The following CADM2 variants were observed in gnomAD, a reference collection of about 807,000 sequenced individuals.
The protein encoded by CADM2 is immunoglobulin superfamily member 4D.
In CADM2, 12 loss-of-function variants were observed where a neutral mutation model predicts 49.8. That is an observed-to-expected ratio of 0.24 (90% CI 0.15 to 0.39). CADM2 has a LOEUF of 0.39. Among genes scored for constraint, CADM2 ranks in the 10% least tolerant of loss-of-function variants. The pLI is 1.00. For synonymous variants in CADM2, 214 were observed against 175.4 expected, an observed-to-expected ratio of 1.22 and a Z score of -1.74; for missense variants, 378 against 492.3, an observed-to-expected ratio of 0.77 and a Z score of 2.20.
intron 1 of CADM2, among the ~76,000 whole-genome samples, chr3:85,326,252 ATTGT>A (rs1342180617): frequency 9.2e-5 from 14 of 152,092 alleles, no homozygotes; most frequent in Non-Finnish European, 1.6e-4. Flanking sequence ...TACAGCCTGT[ATTGT>A]TTTTCTAGTG....
chr3:86,016,074 G>GAA (rs71128108), intron 8 of CADM2, among the ~76,000 whole-genome samples: 33,770 of 151,736 alleles, frequency 0.22, 4,114 homozygotes, highest in East Asian at 0.33. Flanking sequence ...TTCACTAAAG[G>GAA]AAAATAATTT....
intron 1 of CADM2, among the ~76,000 whole-genome samples, chr3:85,503,566 G>T (rs1310993350): frequency 6.6e-6 from 1 of 152,230 alleles, no homozygotes; most frequent in Middle Eastern, 3.4e-3. Context: ...TCCTGAGTAG[G>T]TTGAGTATTT....
At chr3:85,280,723 T>A (rs1229953591) in intron 1 of CADM2, among the ~76,000 whole-genome samples, 1 of 151,872 alleles carries the variant, frequency 6.6e-6, no homozygotes, top group African/African-American at 2.4e-5. Flanking sequence ...TAATTGGTTT[T>A]GGGAACTTCA....
intron 1 of CADM2, among the ~76,000 whole-genome samples, chr3:85,130,874 T>A (rs2039204745): frequency 1.3e-5 from 2 of 152,212 alleles, no homozygotes; most frequent in South Asian, 4.1e-4. Context: ...GTTGCTAGAA[T>A]TTATAGCTAT....
intron 1 of CADM2, among the ~76,000 whole-genome samples, chr3:85,106,902 A>G (rs1258164687): frequency 1.3e-5 from 2 of 152,178 alleles, no homozygotes; most frequent in African/African-American, 4.8e-5. Context: ...GAGTTTGGGT[A>G]ATTCTATGAA....
chr3:85,701,550 T>G (rs2066754595), intron 1 of CADM2, among the ~76,000 whole-genome samples: 1 of 152,134 alleles, frequency 6.6e-6, no homozygotes, highest in South Asian at 2.1e-4. Flanking sequence ...ATGGAAGGCT[T>G]AAAAGAGTGT....
intron 1 of CADM2, among the ~76,000 whole-genome samples, chr3:85,153,248 C>T (rs943649480): frequency 7.2e-5 from 11 of 152,154 alleles, no homozygotes; most frequent in African/African-American, 2.7e-4. Context: ...CGAGCCGAAG[C>T]AGGGCGAGGC....
chr3:85,948,274 A>C (rs1330457369), intron 7 of CADM2, among the ~76,000 whole-genome samples: 2 of 151,484 alleles, frequency 1.3e-5, no homozygotes, highest in Non-Finnish European at 3.0e-5. Context: ...TGTATTTTTA[A>C]AAGTTAGTCT....
At chr3:86,034,606 C>T (rs1348733163) in intron 8 of CADM2, among the ~76,000 whole-genome samples, 2 of 151,974 alleles carry the variant, frequency 1.3e-5, no homozygotes, top group South Asian at 2.1e-4. Context: ...AGACAGCATC[C>T]GTGTACTGAT....
At chr3:85,295,720 TG>T (rs2043943031) in intron 1 of CADM2, among the ~76,000 whole-genome samples, 1 of 151,724 alleles carries the variant, frequency 6.6e-6, no homozygotes, top group Non-Finnish European at 1.5e-5. Context: ...AGGTGGGAAT[TG>T]AACAATTAGA....
intron 1 of CADM2, among the ~76,000 whole-genome samples, chr3:85,016,382 G>T (rs534447044): frequency 2.3e-4 from 35 of 152,318 alleles, no homozygotes; most frequent in African/African-American, 7.9e-4. Flanking sequence ...AAAGATATAG[G>T]TTGGTTTAGA....
chr3:84,968,328 T>C (rs1195107008), intron 1 of CADM2, among the ~76,000 whole-genome samples: 1 of 152,028 alleles, frequency 6.6e-6, no homozygotes, highest in Non-Finnish European at 1.5e-5. Flanking sequence ...GAGGTTCCCC[T>C]AAGGATTCAT....
chr3:85,504,774 G>A (rs998287458), intron 1 of CADM2, among the ~76,000 whole-genome samples: 1 of 152,330 alleles, frequency 6.6e-6, no homozygotes, highest in Admixed American at 6.5e-5. Context: ...CCACGGAGGG[G>A]GTGGGAGGCT....
intron 3 of CADM2, among the ~76,000 whole-genome samples, chr3:85,831,010 T>C (rs1268544875): frequency 6.6e-6 from 1 of 151,646 alleles, no homozygotes; most frequent in Non-Finnish European, 1.5e-5. Context: ...CTTCTAGTGG[T>C]CCCCGTTGTC....
intron 1 of CADM2, among the ~76,000 whole-genome samples, chr3:84,975,192 C>T (rs536184046): frequency 4.0e-5 from 6 of 151,694 alleles, no homozygotes; most frequent in African/African-American, 1.4e-4. Flanking sequence ...TTGGTGCTAC[C>T]TGATAGTCAA....
At chr3:85,992,690 A>G (rs924040000) in intron 8 of CADM2, 1 of 152,168 alleles carries the variant, frequency 6.6e-6, no homozygotes, top group African/African-American at 2.4e-5. Flanking sequence ...CAATGTACGT[A>G]CCTTAATTTA....
intron 3 of CADM2, among the ~76,000 whole-genome samples, chr3:85,813,090 G>C (rs546129077): frequency 6.6e-6 from 1 of 152,106 alleles, no homozygotes; most frequent in African/African-American, 2.4e-5. Flanking sequence ...AGGTCCAATG[G>C]TATTTCTAGT....
intron 8 of CADM2, among the ~76,000 whole-genome samples, chr3:85,986,105 A>T (rs1728075958): frequency 6.6e-6 from 1 of 152,058 alleles, no homozygotes; most frequent in Admixed American, 6.6e-5. Flanking sequence ...ATAATGTTCT[A>T]TCCTGCCCTT....
chr3:85,141,162 A>T (rs186885538), intron 1 of CADM2, among the ~76,000 whole-genome samples: 2 of 152,294 alleles, frequency 1.3e-5, no homozygotes, highest in East Asian at 3.9e-4. Flanking sequence ...TTAATGGCCA[A>T]TCATTGGTGA....
Sources: allele counts gnomAD v4.1 joint callset (sites outside exome capture counted in the v4.1 genomes callset), GRCh38; gene constraint gnomAD v4.1.1; transcripts MANE v1.5; gene names NCBI Gene and HGNC (gene_info 2026-07-23, HGNC 2026-07-21).